PHKB: variants seen among roughly 807,000 people sequenced by gnomAD.
PHKB encodes phosphorylase kinase regulatory subunit beta.
In PHKB, 122 loss-of-function variants were observed where a neutral mutation model predicts 152.1. That is an observed-to-expected ratio of 0.80 (90% CI 0.69 to 0.93). The LOEUF (loss-of-function observed/expected upper bound fraction) is 0.93, where lower values mean the gene tolerates loss of function less well. Among genes scored for constraint, PHKB ranks in the 40% least tolerant of loss-of-function variants. The pLI, the probability that PHKB is intolerant of heterozygous loss-of-function variation, is 0.00. For synonymous variants in PHKB, 436 were observed against 464.9 expected (o/e 0.94, Z 0.80); for missense variants, 1,304 against 1,328.4 (o/e 0.98, Z 0.29).
chr16:47,559,695 G>A (rs72800664), intron 7 of PHKB, among the ~76,000 whole-genome samples: 1 of 152,142 alleles, frequency 6.6e-6, no homozygotes, highest in Admixed American at 6.5e-5. Context: ...AGAGAGTTAG[G>A]TGGGAGCTGT....
intron 7 of PHKB, among the ~76,000 whole-genome samples, chr16:47,578,969 T>G (rs773783999): frequency 4.6e-5 from 7 of 152,162 alleles, no homozygotes; most frequent in Non-Finnish European, 1.0e-4. Flanking sequence ...CTGGCATTTC[T>G]CAGTGGTTGG....
At chr16:47,506,925 A>G (rs888846181) in intron 4 of PHKB, among the ~76,000 whole-genome samples, 1 of 152,146 alleles carries the variant, frequency 6.6e-6, no homozygotes, top group African/African-American at 2.4e-5. Context: ...ACAAGCTTGG[A>G]TTAAGGTTTT....
chr16:47,535,386 G>A (rs1014747895), intron 6 of PHKB, among the ~76,000 whole-genome samples: 1 of 152,052 alleles, frequency 6.6e-6, no homozygotes, highest in Non-Finnish European at 1.5e-5. Context: ...ACATTCAGTG[G>A]TCATTTATAA....
At chr16:47,610,478 A>G (rs897369192) in intron 13 of PHKB, among the ~76,000 whole-genome samples, 3 of 152,128 alleles carry the variant, frequency 2.0e-5, no homozygotes, top group South Asian at 2.1e-4. Flanking sequence ...AAAGTATATT[A>G]GAATATATTT....
At chr16:47,587,837 C>A in intron 9 of PHKB, 74 bp downstream of exon 9, 1 of 1,077,364 alleles carries the variant, frequency 9.3e-7, no homozygotes, top group Non-Finnish European at 1.4e-6. Flanking sequence ...TCTTAATTTC[C>A]AGTAAAGTAC....
In PHKB at chr16:47,575,920, T is replaced by C. The variant is rs150626871; in HGVS notation, c.711-4375T>C. On this transcript the variant is annotated intron_variant, in intron 7 of 30. Transcript: ENST00000323584. ...GAAGAAACCCTGTCTCTACTAAAAA[T>C]ACAAAATCAGCCGGGTGTGGTGGTG... Among the ~76,000 whole-genome samples, 869 of 152,006 alleles carry C rather than the reference T, an allele frequency of 5.7e-3. 8 individuals are homozygous for C. Among genetic ancestry groups the C allele is most frequent in the African/African-American group, 0.02 (831 of 41,448 alleles).
intron 26 of PHKB, among the ~76,000 whole-genome samples, chr16:47,678,519 A>G (rs1973780063): frequency 6.6e-6 from 1 of 152,166 alleles, no homozygotes; most frequent in Non-Finnish European, 1.5e-5. Flanking sequence ...TCTGATGGCC[A>G]GTGATCATGA....
At chr16:47,500,128 C>G (rs1365100228) in intron 3 of PHKB, among the ~76,000 whole-genome samples, 2 of 152,084 alleles carry the variant, frequency 1.3e-5, no homozygotes, top group Non-Finnish European at 1.5e-5. Context: ...ACCTCTGCCC[C>G]CTGGGTTCAA....
Position 47,461,429 on chromosome 16 carries a change from T to G in PHKB, c.76+3T>G. On this transcript the variant is annotated splice_donor_region_variant and intron_variant, in intron 1 of 30. Coordinates refer to ENST00000323584, the MANE Select transcript of PHKB (RefSeq NM_000293.3). The stretch of plus-strand genomic sequence containing the variant: ...AAGAGCTCGGACCAAGCGCTCAGGT[T>G]TGGCTGGCTGGGGCGCCGCCCCCCA... 2 of 1,613,178 alleles carry G rather than the reference T, an allele frequency of 1.2e-6. No individual in the cohort carries two copies. Among genetic ancestry groups the G allele is most frequent in the Non-Finnish European group, 1.7e-6 (2 of 1,179,766 alleles).
At chr16:47,687,566 G>A (rs1029412357) in intron 26 of PHKB, among the ~76,000 whole-genome samples, 1 of 152,178 alleles carries the variant, frequency 6.6e-6, no homozygotes, top group Non-Finnish European at 1.5e-5. Flanking sequence ...GGCATTTGTT[G>A]TTTGTAAATA....
Position 47,461,331 on chromosome 16 carries a change from A to T in PHKB, c.-20A>T, listed in dbSNP as rs748523564. 6.3e-7 allele frequency: 1 copy of T among 1,595,044 alleles called. No homozygotes were observed. The highest frequency in any genetic ancestry group is 1.1e-5 in the South Asian group (1 of 89,544). On this transcript the variant is annotated 5_prime_UTR_variant, in exon 1 of 31. Transcript: ENST00000323584. ...ACAGGCGGCCCCGGGGGCGGTGGCCAAGGCGGCGACCGGAGCGCGATGGCG... is the reference window on the plus strand; with the variant it reads ...ACAGGCGGCCCCGGGGGCGGTGGCCTAGGCGGCGACCGGAGCGCGATGGCG...
intron 14 of PHKB, among the ~76,000 whole-genome samples, chr16:47,628,317 G>A (rs890229912): frequency 1.3e-5 from 2 of 152,150 alleles, no homozygotes; most frequent in African/African-American, 2.4e-5. Flanking sequence ...TGGATCATGA[G>A]GTCAGGAGAT....
intron 1 of PHKB, among the ~76,000 whole-genome samples, chr16:47,480,227 G>A (rs1469283189): frequency 6.6e-6 from 1 of 152,108 alleles, no homozygotes; most frequent in Non-Finnish European, 1.5e-5. Flanking sequence ...GGTATAACTG[G>A]TTAGCACTAG....
chr16:47,484,169 C>T (rs1343058084), intron 1 of PHKB, among the ~76,000 whole-genome samples: 1 of 152,034 alleles, frequency 6.6e-6, no homozygotes, highest in Non-Finnish European at 1.5e-5. Context: ...GGTTTAATAT[C>T]CTGAAATAGA....
chr16:47,698,227 A>G (rs562996739), intron 29 of PHKB, among the ~76,000 whole-genome samples: 2 of 152,326 alleles, frequency 1.3e-5, no homozygotes, highest in East Asian at 1.9e-4. Context: ...TAACTGATGA[A>G]AAAACATTTC....
rs142486542 is a variant in PHKB, at chr16:47,597,030, A to G, written c.1363+499A>G. On this transcript the variant is annotated intron_variant, in intron 13 of 30. Coordinates refer to ENST00000323584, the MANE Select transcript of PHKB (RefSeq NM_000293.3). ...GAAGAATTATTTTTCATCTTCTCCTACAACTTGAACTGAATCATAGCACTC... is the reference window on the plus strand; with the variant it reads ...GAAGAATTATTTTTCATCTTCTCCTGCAACTTGAACTGAATCATAGCACTC... 9.9e-4 allele frequency among the ~76,000 whole-genome samples: 151 copies of G among 152,256 alleles called. 1 individual carries two copies. The highest frequency in any genetic ancestry group is 3.5e-3 in the African/African-American group (144 of 41,560).
In PHKB at chr16:47,693,595, C is replaced by T. The variant is rs917928974; in HGVS notation, c.2895+88C>T. The T allele has an allele frequency of 3.0e-6, 4 of 1,352,480 alleles. No homozygotes were observed. In the African/African-American group the frequency reaches 4.3e-5, roughly 15 times the overall value. 83.8% of individuals were successfully genotyped at this position (1,352,480 alleles called of 1,614,324 possible). A position where few individuals can be genotyped will look rare whatever the true frequency, so the allele number is the denominator to read the frequency against. On this transcript the variant is annotated intron_variant, in intron 28 of 30. Coordinates refer to ENST00000323584, the MANE Select transcript of PHKB (RefSeq NM_000293.3). ...TCTTGCACTGCAAATAACTTTTCTCCTTTTCAGCGTTCTAAGAGTATTTTC... is the reference window on the plus strand; with the variant it reads ...TCTTGCACTGCAAATAACTTTTCTCTTTTTCAGCGTTCTAAGAGTATTTTC...
intron 1 of PHKB, among the ~76,000 whole-genome samples, chr16:47,493,672 A>G (rs1970186991): frequency 6.6e-6 from 1 of 152,172 alleles, no homozygotes; most frequent in South Asian, 2.1e-4. Context: ...ATGACCAGAA[A>G]CCTAGTGGGA....
chr16:47,517,837 A>G (rs1567289030), intron 6 of PHKB, among the ~76,000 whole-genome samples: 1 of 152,154 alleles, frequency 6.6e-6, no homozygotes, highest in African/African-American at 2.4e-5. Flanking sequence ...GCAGCTAATT[A>G]TCAATAGCCT....
Sources: allele counts gnomAD v4.1 joint callset (sites outside exome capture counted in the v4.1 genomes callset), GRCh38; gene constraint gnomAD v4.1.1; transcripts MANE v1.5; gene names NCBI Gene and HGNC (gene_info 2026-07-23, HGNC 2026-07-21).